Variants in MARS1 observed in about 807,000 individuals in gnomAD.
MARS1 encodes the protein methionyl-tRNA synthetase 1.
MARS1 carries 80 observed loss-of-function variants against 119.5 expected under a neutral mutation model. The ratio of observed to expected loss-of-function variants is 0.67; its 90% CI spans 0.56 to 0.81. The LOEUF (loss-of-function observed/expected upper bound fraction) is 0.81, where lower values mean the gene tolerates loss of function less well. Among genes scored for constraint, MARS1 ranks in the 30% least tolerant of loss-of-function variants. The pLI is 0.00. For missense variants in MARS1, 945 were observed against 1,116.5 expected, an observed-to-expected ratio of 0.85 and a Z score of 2.19; for synonymous variants, 418 against 433.4, an observed-to-expected ratio of 0.96 and a Z score of 0.44.
intron 11 of MARS1, among the ~76,000 whole-genome samples, chr12:57,507,449 C>T (rs1440824418): frequency 9.3e-5 from 7 of 75,214 alleles, no homozygotes; most frequent in African/African-American, 1.4e-4. Context: ...CGCCCCTCAC[C>T]TCCCGGACGG....
Position 57,493,898 on chromosome 12 carries a change from G to A in MARS1, c.770+3254G>A, listed in dbSNP as rs186938735. Among the ~76,000 whole-genome samples the A allele has an allele frequency of 8.7e-4, 39 of 44,892 alleles. 1 individual carries two copies. Among genetic ancestry groups the A allele is most frequent in the African/African-American group, 4.0e-3 (35 of 8,794 alleles). The allele number at this position is 44,892 out of a possible 152,430, so 29.5% of individuals were successfully genotyped here. A position where few individuals can be genotyped will look rare whatever the true frequency, so the allele number is the denominator to read the frequency against. ...TATATAATATATAATATATATTTAT[G>A]TTATATAATATATATAATATATATA... On this transcript the variant is annotated intron_variant, in intron 7 of 20. Transcript: ENST00000262027.
At chr12:57,507,896 T>TTC (rs1364195434) in intron 11 of MARS1, among the ~76,000 whole-genome samples, 1 of 145,274 alleles carries the variant, frequency 6.9e-6, no homozygotes, top group Non-Finnish European at 1.5e-5. Flanking sequence ...GGCTCCTCAC[T>TTC]TCTCAGACGG....
chr12:57,507,993 C>T (rs1036964814), intron 11 of MARS1, among the ~76,000 whole-genome samples: 63 of 151,922 alleles, frequency 4.1e-4, no homozygotes, highest in African/African-American at 1.1e-3. Context: ...ACGCGGCGGC[C>T]GGGCAGAGGC....
In MARS1 at chr12:57,489,914, G is replaced by A. The variant is rs1875799718; in HGVS notation, c.433G>A (p.Asp145Asn). Residue 145 changes from aspartate (D) to asparagine (N), a missense_variant, in exon 5 of 21, where the codon GAC becomes AAC. Transcript: ENST00000262027. ...FLAGETESLA[D>N]IVLWGALYPL... ...AACAAAGGAGACAGAATCTCTAGCCGACATTGTTTTGTGGGGAGCCCTATA... is the reference window on the plus strand; with the variant it reads ...AACAAAGGAGACAGAATCTCTAGCCAACATTGTTTTGTGGGGAGCCCTATA... 17 of 1,613,928 alleles carry A rather than the reference G, an allele frequency of 1.1e-5. No homozygotes were observed. Among genetic ancestry groups the A allele is most frequent in the African/African-American group, 5.3e-5 (4 of 74,864 alleles).
chr12:57,490,732 G>T, intron 7 of MARS1, 88 bp downstream of exon 7: 1 of 935,392 alleles, frequency 1.1e-6, no homozygotes, highest in Non-Finnish European at 1.7e-6. Flanking sequence ...GGTCCCGTTT[G>T]CTGATCTCTC....
chr12:57,500,657 C>A, intron 10 of MARS1, 135 bp downstream of exon 10: 3 of 750,918 alleles, frequency 4.0e-6, no homozygotes, highest in Non-Finnish European at 6.6e-6. Context: ...CCCATCTCAG[C>A]AACTCGTCAT....
At position 57,504,263 on chromosome 12, in the gene MARS1, G is replaced by A. The variant is rs1594824620; in HGVS notation, c.1332G>A (p.Val444=). The A allele has an allele frequency of 9.9e-6, 16 of 1,614,160 alleles. No homozygotes were observed. The highest frequency in any genetic ancestry group is 1.3e-5 in the Non-Finnish European group (15 of 1,179,998). Reference sequence around the variant, plus strand: ...AAGTCTGCCGATCATGCCCTGTGGTGCAGTCGAGCCAGCACCTGTTTCTGG... The same window carrying A: ...AAGTCTGCCGATCATGCCCTGTGGTACAGTCGAGCCAGCACCTGTTTCTGG... The part of the protein sequence containing the change: ...QCKVCRSCPV[V]QSSQHLFLDL... The change falls in exon 11 of 21, where the codon GTG becomes GTA. Residue 444 remains valine (V), a synonymous_variant. Coordinates refer to ENST00000262027, the MANE Select transcript of MARS1 (RefSeq NM_004990.4).
rs1319452949 is a variant in MARS1, at chr12:57,512,340, C to T, written c.1740C>T (p.His580=). Reference sequence around the variant, plus strand: ...AGGATAACTATACCTTGGTCAGCCACCTCATTGCTACAGGTAAGTACCCTG... The same window carrying T: ...AGGATAACTATACCTTGGTCAGCCATCTCATTGCTACAGGTAAGTACCCTG... ...GAEDNYTLVS[H]LIATEYLNYE... Residue 580 remains histidine, a synonymous_variant, in exon 14 of 21, where the codon CAC becomes CAT. Coordinates refer to ENST00000262027, the MANE Select transcript of MARS1 (RefSeq NM_004990.4). 6.2e-7 allele frequency: 1 copy of T among 1,612,988 alleles called. No individual in the cohort carries two copies. Among genetic ancestry groups the T allele is most frequent in the South Asian group, 1.1e-5 (1 of 91,064 alleles).
In MARS1 at chr12:57,488,212, G is replaced by A. The variant is rs1875599234; in HGVS notation, c.109+13G>A. 6.2e-7 allele frequency: 1 copy of A among 1,603,680 alleles called. No individual in the cohort carries two copies. The highest frequency in any genetic ancestry group is 1.7e-5 in the Admixed American group (1 of 59,568). On this transcript the variant is annotated intron_variant, in intron 1 of 20. Transcript: ENST00000262027. ...GTAGGCCCGGAAGGTACTCGTGCTGGTGCTGGTGGGCGGTGGATGGGGGGG... is the reference window on the plus strand; with the variant it reads ...GTAGGCCCGGAAGGTACTCGTGCTGATGCTGGTGGGCGGTGGATGGGGGGG...
intron 11 of MARS1, among the ~76,000 whole-genome samples, chr12:57,505,081 T>C (rs1398541812): frequency 6.6e-6 from 1 of 152,028 alleles, no homozygotes; most frequent in Non-Finnish European, 1.5e-5. Context: ...ACTCTTGGGC[T>C]CAAGCAGTTC....
At position 57,514,050 on chromosome 12, in the gene MARS1, G is replaced by A. The variant is rs1480725913; in HGVS notation, c.1968-670G>A. Among the ~76,000 whole-genome samples the A allele has an allele frequency of 1.0e-4, 13 of 129,374 alleles. No homozygotes were observed. In the Admixed American group the frequency reaches 1.1e-3, roughly 11 times the overall value. 84.9% of individuals were successfully genotyped at this position (129,374 alleles called of 152,430 possible). A position where few individuals can be genotyped will look rare whatever the true frequency, so the allele number is the denominator to read the frequency against. ...TGTGCTCCAGCCTGGGCAACAGAGT[G>A]AGAATCCTCAAAAAAAAAAAAAATT... is the stretch of plus-strand genomic sequence containing the variant. On this transcript the variant is annotated intron_variant, in intron 15 of 20. Transcript: ENST00000262027.
intron 9 of MARS1, 135 bp downstream of exon 9, chr12:57,498,758 CAG>C: frequency 1.3e-6 from 1 of 775,382 alleles, no homozygotes; most frequent in Non-Finnish European, 2.2e-6. Flanking sequence ...TCACCCTGGG[CAG>C]TTATCCAGGC....
rs141524085 is a variant in MARS1 at position 57,503,321 on chromosome 12, C to T, written c.1294-904C>T. Reference sequence around the variant, plus strand: ...CGATCTCAGCTCAGTGCAATCTCCACCACCCAGGTTCAAGTGATTCTCCTG... The same window carrying T: ...CGATCTCAGCTCAGTGCAATCTCCATCACCCAGGTTCAAGTGATTCTCCTG... On this transcript the variant is annotated intron_variant, in intron 10 of 20. Coordinates refer to ENST00000262027, the MANE Select transcript of MARS1 (RefSeq NM_004990.4). 5.5e-3 allele frequency among the ~76,000 whole-genome samples: 830 copies of T among 151,470 alleles called. 9 individuals carry two copies. The highest frequency in any genetic ancestry group is 0.019 in the African/African-American group (773 of 41,258).
In MARS1 at chr12:57,489,303, C is replaced by T. The variant is rs756661867; in HGVS notation, c.237C>T (p.Asp79=). Residue 79 remains aspartate, a synonymous_variant, in exon 3 of 21, where the codon GAC becomes GAT. Coordinates refer to ENST00000262027, the MANE Select transcript of MARS1 (RefSeq NM_004990.4). ...FFLLSGWEQD[D]LTNQWLEWEA... Reference sequence around the variant, plus strand: ...TGTTATCTGGCTGGGAGCAAGATGACCTCACTAACCAGTGGCTGGAATGGG... The same window carrying T: ...TGTTATCTGGCTGGGAGCAAGATGATCTCACTAACCAGTGGCTGGAATGGG... The T allele has an allele frequency of 1.9e-6, 3 of 1,613,776 alleles. No homozygotes were observed. The highest frequency in any genetic ancestry group is 2.5e-6 in the Non-Finnish European group (3 of 1,180,040).
Position 57,512,117 on chromosome 12 carries a change from G to A in MARS1, c.1635+14G>A, listed in dbSNP as rs780382794. 3.1e-6 allele frequency: 5 copies of A among 1,613,598 alleles called. No homozygotes were observed. Among genetic ancestry groups the A allele is most frequent in the South Asian group, 1.1e-5 (1 of 91,070 alleles). On this transcript the variant is annotated intron_variant, in intron 13 of 20. Transcript: ENST00000262027. ...AACCCAGAGCAAGTGAGCAGTTCTT[G>A]GTTAGGCTGTGCATGGGGAGGGTAG...
intron 7 of MARS1, among the ~76,000 whole-genome samples, chr12:57,495,524 GC>G (rs1367774559): frequency 1.1e-4 from 16 of 151,896 alleles, no homozygotes. Context: ...AGACTGGGCG[GC>G]CAGGCAGAGG....
At position 57,498,457 on chromosome 12, in the gene MARS1, T is replaced by C; in HGVS notation, c.925T>C (p.Cys309Arg). 2 of 1,614,150 alleles carry C rather than the reference T, an allele frequency of 1.2e-6. No homozygotes were observed. The highest frequency in any genetic ancestry group is 1.7e-6 in the Non-Finnish European group (2 of 1,180,042). ...CCGCCAGTGGAACACCCTCTATCTG[T>C]GTGGGACAGATGAGTATGGTACAGC... ...RLRQWNTLYL[C>R]GTDEYGTATE... is the part of the protein sequence containing the mutation. The change falls in exon 9 of 21, where the codon TGT becomes CGT. Residue 309 changes from cysteine (C) to arginine (R), a missense_variant. Transcript: ENST00000262027.
intron 7 of MARS1, among the ~76,000 whole-genome samples, chr12:57,497,035 T>C (rs1044844438): frequency 2.0e-5 from 3 of 152,128 alleles, no homozygotes; most frequent in African/African-American, 7.2e-5. Flanking sequence ...CCTCTATACT[T>C]GCCACAGCAG....
intron 11 of MARS1, among the ~76,000 whole-genome samples, chr12:57,506,474 TG>T (rs1251240628): frequency 1.3e-5 from 2 of 152,104 alleles, no homozygotes; most frequent in African/African-American, 4.8e-5. Flanking sequence ...AGGTTGGGTT[TG>T]TTGGGTGTTT....
Sources: gnomAD v4.1 joint callset for allele counts (sites outside exome capture counted in the v4.1 genomes callset) on GRCh38, gnomAD v4.1.1 for gene constraint, MANE v1.5 for transcripts, NCBI Gene and HGNC (gene_info 2026-07-23, HGNC 2026-07-21) for gene names.